The following EYS variants were observed in gnomAD, a reference collection of about 807,000 sequenced individuals.
The protein encoded by EYS is EGF-like photoreceptor maintenance factor, also known as protein eyes shut homolog.
In EYS, 250 loss-of-function variants were observed where a neutral mutation model predicts 282.1. The ratio of observed to expected loss-of-function variants is 0.89; its 90% confidence interval spans 0.80 to 0.98. The LOEUF (loss-of-function observed/expected upper bound fraction) is 0.98. Among genes scored for constraint, EYS ranks in the 50% least tolerant of loss-of-function variants. The pLI, the probability that EYS is intolerant of heterozygous loss-of-function variation, is 0.00. For missense variants in EYS, 4,016 were observed against 3,709.0 expected, an observed-to-expected ratio of 1.08 and a Z score of -2.15; for synonymous variants, 1,355 against 1,282.9, an observed-to-expected ratio of 1.06 and a Z score of -1.20.
intron 2 of EYS, among the ~76,000 whole-genome samples, chr6:65,578,004 G>A (rs1426281678): frequency 1.3e-5 from 2 of 151,836 alleles, no homozygotes; most frequent in African/African-American, 4.8e-5. Flanking sequence ...AAGACCTTAT[G>A]AAAAACAGTG....
chr6:65,287,116 A>G (rs1768388842), intron 12 of EYS, among the ~76,000 whole-genome samples: 4 of 151,420 alleles, frequency 2.6e-5, no homozygotes, highest in South Asian at 2.1e-4. Context: ...TAGAATGTCT[A>G]TACACCAATA....
chr6:64,981,632 G>T (rs1770669708), intron 14 of EYS, among the ~76,000 whole-genome samples: 1 of 151,248 alleles, frequency 6.6e-6, no homozygotes, highest in South Asian at 2.1e-4. Flanking sequence ...CCTGTACATG[G>T]TTGAGCCATA....
At chr6:64,190,904 C>G (rs912590256) in intron 31 of EYS, among the ~76,000 whole-genome samples, 1 of 152,124 alleles carries the variant, frequency 6.6e-6, no homozygotes, top group Non-Finnish European at 1.5e-5. Flanking sequence ...GGTGTCTTGA[C>G]GTTTCAAGAA....
At chr6:63,785,684 C>T (rs557815013) in intron 39 of EYS, among the ~76,000 whole-genome samples, 10 of 152,176 alleles carry the variant, frequency 6.6e-5, no homozygotes, top group Admixed American at 5.2e-4. Context: ...TTTTAGATCA[C>T]GAACTTTGGA....
At chr6:64,339,567 G>A (rs1020805881) in intron 29 of EYS, among the ~76,000 whole-genome samples, 3 of 151,956 alleles carry the variant, frequency 2.0e-5, no homozygotes, top group Non-Finnish European at 4.4e-5. Flanking sequence ...GGAAAACAGT[G>A]TGGAGATTCT....
chr6:63,814,794 C>A (rs1204738192), intron 36 of EYS, among the ~76,000 whole-genome samples: 3 of 152,128 alleles, frequency 2.0e-5, no homozygotes, highest in Admixed American at 1.3e-4. Flanking sequence ...ATAGTATCTG[C>A]AATACATTAC....
At position 63,720,557 on chromosome 6, in the gene EYS, C is replaced by T. The variant is rs532148551; in HGVS notation, c.*39G>A. On this transcript the variant is annotated 3_prime_UTR_variant, in exon 43 of 43. Coordinates refer to ENST00000503581, the MANE Select transcript of EYS (RefSeq NM_001142800.2). The stretch of plus-strand genomic sequence containing the variant: ...AAAGAAATAACTATCAAAATAACTG[C>T]ATTTATGTATAGTGTGTACTAAAAT... The T allele has an allele frequency of 7.3e-7, 1 of 1,370,856 alleles. No individual in the cohort carries two copies. Among genetic ancestry groups the T allele is most frequent in the South Asian group, 1.6e-5 (1 of 62,076 alleles). 84.9% of individuals were successfully genotyped at this position (1,370,856 alleles called of 1,614,324 possible).
intron 24 of EYS, among the ~76,000 whole-genome samples, chr6:64,601,801 C>A (rs193236035): frequency 1.3e-5 from 2 of 152,152 alleles, no homozygotes; most frequent in East Asian, 1.9e-4. Flanking sequence ...CTCAACCTAA[C>A]CTGACCCTGT....
chr6:65,335,194 T>C, intron 10 of EYS, 48 bp from the exon 11 acceptor site: 1 of 1,243,418 alleles, frequency 8.0e-7, no homozygotes, highest in Non-Finnish European at 1.2e-6. Flanking sequence ...CATCACTTAC[T>C]ACAATATTAC....
At chr6:63,985,445 T>A (rs1767311137) in intron 34 of EYS, among the ~76,000 whole-genome samples, 1 of 151,724 alleles carries the variant, frequency 6.6e-6, no homozygotes. Flanking sequence ...GGTACTTTGC[T>A]ATGGCAACCC....
intron 31 of EYS, among the ~76,000 whole-genome samples, chr6:64,086,973 C>A (rs1772176841): frequency 6.6e-6 from 1 of 152,086 alleles, no homozygotes; most frequent in Non-Finnish European, 1.5e-5. Flanking sequence ...GAAGAAAAGC[C>A]ATATACCAAT....
chr6:63,833,646 T>A (rs567332840), intron 36 of EYS, among the ~76,000 whole-genome samples: 26 of 152,178 alleles, frequency 1.7e-4, no homozygotes, highest in Middle Eastern at 3.4e-3. Flanking sequence ...AAGGTAATTT[T>A]TAGATTCAAT....
At chr6:65,182,175 TG>T (rs1193916148) in intron 12 of EYS, among the ~76,000 whole-genome samples, 1 of 151,702 alleles carries the variant, frequency 6.6e-6, no homozygotes, top group African/African-American at 2.4e-5. Context: ...ACCTGTAGGT[TG>T]TGCACATGTA....
At chr6:64,576,861 G>T (rs1262557229) in intron 26 of EYS, among the ~76,000 whole-genome samples, 3 of 152,064 alleles carry the variant, frequency 2.0e-5, no homozygotes, top group Admixed American at 2.0e-4. Context: ...CCAGTGACAT[G>T]TTAAAGTCTC....
At chr6:65,094,894 GA>G (rs892610710) in intron 12 of EYS, among the ~76,000 whole-genome samples, 1 of 150,800 alleles carries the variant, frequency 6.6e-6, no homozygotes, top group East Asian at 1.9e-4. Context: ...AGAGAAACAA[GA>G]AAAAATGTCA....
intron 31 of EYS, among the ~76,000 whole-genome samples, chr6:64,159,559 TAAAAAA>T (rs35139594): frequency 0.036 from 2,163 of 59,960 alleles, 81 homozygotes; most frequent in African/African-American, 0.12. Flanking sequence ...GACTCTGTCT[TAAAAAA>T]AAAAAAAAAA....
chr6:64,643,002 C>A (rs1295942553), intron 22 of EYS, among the ~76,000 whole-genome samples: 1 of 151,932 alleles, frequency 6.6e-6, no homozygotes, highest in Non-Finnish European at 1.5e-5. Context: ...CTAATCCCAG[C>A]TACTTGAGGG....
At chr6:65,223,790 G>C (rs1007863795) in intron 12 of EYS, among the ~76,000 whole-genome samples, 2 of 152,140 alleles carry the variant, frequency 1.3e-5, no homozygotes, top group African/African-American at 4.8e-5. Flanking sequence ...GACTGGGGAA[G>C]GAAATTGGCA....
chr6:63,806,395 C>T (rs1473853848), intron 36 of EYS, 23 bp from the exon 37 acceptor site: 1 of 1,507,412 alleles, frequency 6.6e-7, no homozygotes, highest in Non-Finnish European at 8.9e-7. Flanking sequence ...CCAAACCAAA[C>T]AGTTAAAATA....
Sources: allele counts gnomAD v4.1 joint callset (sites outside exome capture counted in the v4.1 genomes callset), GRCh38; gene constraint gnomAD v4.1.1; transcripts MANE v1.5; gene names NCBI Gene and HGNC (gene_info 2026-07-23, HGNC 2026-07-21).